Variants in RBFOX1 observed in about 807,000 individuals in gnomAD.
RBFOX1 encodes RNA binding fox-1 homolog 1, also known as RNA binding protein fox-1 homolog 1.
A neutral mutation model predicts 57.7 loss-of-function variants in RBFOX1; 8 were observed. That is an observed-to-expected ratio of 0.14 (90% CI 0.08 to 0.25). The LOEUF (loss-of-function observed/expected upper bound fraction) is 0.25. RBFOX1 is among the 10% of genes least tolerant of loss of function. RBFOX1 has a pLI of 1.00. For synonymous variants in RBFOX1, 326 were observed against 222.4 expected (o/e 1.47, Z -4.15); for missense variants, 611 against 548.5 (o/e 1.11, Z -1.14).
At chr16:6,848,405 T>C (rs11639716) in intron 3 of RBFOX1, among the ~76,000 whole-genome samples, 1 of 151,944 alleles carries the variant, frequency 6.6e-6, no homozygotes, top group Non-Finnish European at 1.5e-5. Flanking sequence ...TTTATGAAAA[T>C]GCTTTGCATG....
intron 2 of RBFOX1, among the ~76,000 whole-genome samples, chr16:5,527,082 C>T (rs1211969121): frequency 6.6e-6 from 1 of 152,136 alleles, no homozygotes; most frequent in East Asian, 1.9e-4. Flanking sequence ...GATAGAAACC[C>T]AACTCTCACC....
intron 4 of RBFOX1, among the ~76,000 whole-genome samples, chr16:5,879,035 G>T (rs187654068): frequency 9.2e-5 from 14 of 152,322 alleles, no homozygotes; most frequent in Admixed American, 9.1e-4. Flanking sequence ...GCACAGGCAA[G>T]AATTCTGGTC....
chr16:5,959,338 G>C (rs72770961), intron 4 of RBFOX1, among the ~76,000 whole-genome samples: 2 of 152,130 alleles, frequency 1.3e-5, no homozygotes, highest in African/African-American at 4.8e-5. Context: ...GAATCTCTCA[G>C]TTGTCTGTCT....
intron 1 of RBFOX1, among the ~76,000 whole-genome samples, chr16:6,296,543 C>G (rs2078135788): frequency 6.6e-6 from 1 of 152,024 alleles, no homozygotes; most frequent in Non-Finnish European, 1.5e-5. Flanking sequence ...GCCTCAGCCT[C>G]CCGTGTAGCT....
chr16:6,778,545 A>G (rs553833576), intron 3 of RBFOX1, among the ~76,000 whole-genome samples: 67 of 152,218 alleles, frequency 4.4e-4, no homozygotes, highest in African/African-American at 1.5e-3. Flanking sequence ...CGCTGTTCAG[A>G]TTTTCCCAGT....
chr16:7,405,597 G>T (rs1360731009), intron 4 of RBFOX1, among the ~76,000 whole-genome samples: 1 of 152,094 alleles, frequency 6.6e-6, no homozygotes, highest in Non-Finnish European at 1.5e-5. Flanking sequence ...ACACATTTTT[G>T]ATGTGCCTTT....
chr16:6,044,767 G>A (rs546348834), intron 1 of RBFOX1, among the ~76,000 whole-genome samples: 2 of 152,174 alleles, frequency 1.3e-5, no homozygotes, highest in Non-Finnish European at 2.9e-5. Flanking sequence ...TCCTACAGTG[G>A]CATGAGGCGT....
At chr16:5,324,067 G>A (rs1045703687) in intron 1 of RBFOX1, among the ~76,000 whole-genome samples, 1 of 152,244 alleles carries the variant, frequency 6.6e-6, no homozygotes, top group African/African-American at 2.4e-5. Context: ...TCTTTGCAAA[G>A]TGTTTGCCAG....
chr16:5,634,275 C>T (rs1471520500), intron 3 of RBFOX1, among the ~76,000 whole-genome samples: 1 of 152,182 alleles, frequency 6.6e-6, no homozygotes, highest in Non-Finnish European at 1.5e-5. Flanking sequence ...AACGGTAGTG[C>T]AATCATTTGA....
chr16:6,385,741 C>G (rs961507275), intron 2 of RBFOX1, among the ~76,000 whole-genome samples: 3 of 152,214 alleles, frequency 2.0e-5, no homozygotes, highest in Middle Eastern at 3.2e-3. Context: ...AGCACAGTGA[C>G]TCATGCGTCA....
chr16:6,370,223 T>C (rs1225792568), intron 2 of RBFOX1, among the ~76,000 whole-genome samples: 7 of 150,746 alleles, frequency 4.6e-5, no homozygotes, highest in Middle Eastern at 3.4e-3. Context: ...CTGGGCGGGG[T>C]GGCGGGCGGC....
At chr16:5,373,510 C>G (rs2065910200) in intron 1 of RBFOX1, among the ~76,000 whole-genome samples, 1 of 152,148 alleles carries the variant, frequency 6.6e-6, no homozygotes, top group Admixed American at 6.5e-5. Flanking sequence ...CACCTGTTCC[C>G]TCTTTGCCTT....
chr16:6,519,190 A>G (rs1389003309), intron 2 of RBFOX1, among the ~76,000 whole-genome samples: 2 of 152,076 alleles, frequency 1.3e-5, no homozygotes, highest in East Asian at 1.9e-4. Flanking sequence ...ATTTATCTCT[A>G]AAATGGAATT....
At chr16:6,833,152 T>G (rs943607487) in intron 3 of RBFOX1, among the ~76,000 whole-genome samples, 23 of 151,730 alleles carry the variant, frequency 1.5e-4, no homozygotes, top group African/African-American at 4.1e-4. Context: ...TATTTTATTT[T>G]ATTTTATTTT....
At chr16:7,401,720 A>G (rs959526691) in intron 4 of RBFOX1, among the ~76,000 whole-genome samples, 5 of 152,214 alleles carry the variant, frequency 3.3e-5, no homozygotes, top group Non-Finnish European at 1.5e-5. Context: ...ACAGTGAGGT[A>G]ATGAGGAAAT....
intron 4 of RBFOX1, among the ~76,000 whole-genome samples, chr16:7,381,526 A>G (rs767276376): frequency 2.6e-5 from 4 of 151,886 alleles, no homozygotes; most frequent in Non-Finnish European, 5.9e-5. Context: ...TATTTTATTA[A>G]CAGCTTCACA....
rs61303505 is a variant in RBFOX1 at position 5,566,495 on chromosome 16, T to C, written c.259-32407T>C. 8.6e-3 allele frequency among the ~76,000 whole-genome samples: 1,307 copies of C among 152,204 alleles called. 17 individuals are homozygous for C. The highest frequency in any genetic ancestry group is 0.029 in the African/African-American group (1,223 of 41,506). On this transcript the variant is annotated intron_variant, in intron 2 of 2. Coordinates refer to the RBFOX1 transcript ENST00000585867. ...CTCCCTCGGGTTGTTATATTTTGTC[T>C]TTGGTCAGTTTCGTGATATTGGCTG...
chr16:7,073,019 T>G (rs536580711), intron 4 of RBFOX1, among the ~76,000 whole-genome samples: 6 of 152,308 alleles, frequency 3.9e-5, no homozygotes, highest in African/African-American at 1.2e-4. Flanking sequence ...TTGTGAGTCC[T>G]CACAGGGAGG....
chr16:6,892,068 G>T (rs1245390497), intron 3 of RBFOX1, among the ~76,000 whole-genome samples: 1 of 152,128 alleles, frequency 6.6e-6, no homozygotes, highest in Non-Finnish European at 1.5e-5. Flanking sequence ...CCAGGTGGAT[G>T]ACATAGATCC....
Sources: gnomAD v4.1 joint callset for allele counts (sites outside exome capture counted in the v4.1 genomes callset) on GRCh38, gnomAD v4.1.1 for gene constraint, MANE v1.5 for transcripts, NCBI Gene and HGNC (gene_info 2026-07-23, HGNC 2026-07-21) for gene names.